The following DIP2B variants were observed in gnomAD, a reference collection of about 807,000 sequenced individuals.
DIP2B encodes disco-interacting protein 2 homolog B.
In DIP2B, 76 loss-of-function variants were observed where a neutral mutation model predicts 198.0. The ratio of observed to expected loss-of-function variants is 0.38; its 90% CI spans 0.32 to 0.46. The LOEUF (loss-of-function observed/expected upper bound fraction) is 0.46, where lower values mean the gene tolerates loss of function less well. Ranked by LOEUF, DIP2B falls within the 20% of genes least tolerant of loss-of-function variation. The probability of loss-of-function intolerance (pLI) is 0.99; values close to 1 mark genes in which losing one functional copy is unlikely to be tolerated. For synonymous variants in DIP2B, 701 were observed against 739.1 expected, an observed-to-expected ratio of 0.95 and a Z score of 0.84; for missense variants, 1,559 against 1,978.4, an observed-to-expected ratio of 0.79 and a Z score of 4.02.
At chr12:50,648,935 C>CAGA (rs1444581758) in intron 3 of DIP2B, among the ~76,000 whole-genome samples, 2 of 151,954 alleles carry the variant, frequency 1.3e-5, no homozygotes, top group African/African-American at 4.8e-5. Flanking sequence ...AAAGCGAGTA[C>CAGA]AGAAATCAAC....
chr12:50,680,659 C>A lies in DIP2B; in HGVS notation c.1115-13C>A, dbSNP rs766160659. 1.3e-5 allele frequency: 20 copies of A among 1,542,474 alleles called. No individual in the cohort carries two copies. The highest frequency in any genetic ancestry group is 1.4e-5 in the African/African-American group (1 of 70,306). The stretch of plus-strand genomic sequence containing the variant: ...TTCTATATGACTGTTGTTTTTTTTT[C>A]CTTTTTTTCCAGGAAAGTTGTGGAG... On this transcript the variant is annotated splice_polypyrimidine_tract_variant and intron_variant, in intron 8 of 37. Coordinates refer to ENST00000301180, the MANE Select transcript of DIP2B (RefSeq NM_173602.3).
intron 7 of DIP2B, among the ~76,000 whole-genome samples, chr12:50,676,994 T>C (rs1180670303): frequency 1.3e-5 from 2 of 152,166 alleles, no homozygotes; most frequent in East Asian, 3.9e-4. Flanking sequence ...AGTAGAAAAA[T>C]GAATCAAGGC....
Position 50,739,469 on chromosome 12 carries a change from CTT to C in DIP2B, c.4238_4239del (p.Leu1413ProfsTer3). 6.2e-7 allele frequency: 1 copy of C among 1,614,204 alleles called. No homozygotes were observed. The highest frequency in any genetic ancestry group is 1.1e-5 in the South Asian group (1 of 91,086). The stretch of plus-strand genomic sequence containing the variant: ...CTACACCATCTATGATAGCGAGACT[CTT>C]CAAGCTGATCATTTCAACACTCGCC... Reference protein sequence around the residue: ...GYYTIYDSETLQADHFNTRLS... With the variant: ...GYYTIYDSETXQADHFNTRLS... On this transcript the variant is annotated frameshift_variant, in exon 36 of 38. Transcript: ENST00000301180. LOFTEE classifies it high-confidence loss of function.
intron 1 of DIP2B, among the ~76,000 whole-genome samples, chr12:50,536,033 A>C (rs1958262637): frequency 6.6e-6 from 1 of 151,186 alleles, no homozygotes. Flanking sequence ...TGAACTCATC[A>C]TTTTTTATGG....
intron 1 of DIP2B, among the ~76,000 whole-genome samples, chr12:50,591,875 TTG>T (rs748380505): frequency 1.3e-4 from 19 of 150,674 alleles, no homozygotes; most frequent in Admixed American, 3.3e-4. Context: ...TTCTTTATTT[TTG>T]TGTGTTTTTT....
intron 1 of DIP2B, among the ~76,000 whole-genome samples, chr12:50,607,170 T>C (rs550288625): frequency 6.6e-6 from 1 of 151,784 alleles, no homozygotes; most frequent in South Asian, 2.1e-4. Context: ...GGAACTAACA[T>C]TTATTTATTG....
At chr12:50,552,489 A>G (rs564871030) in intron 1 of DIP2B, among the ~76,000 whole-genome samples, 2 of 151,880 alleles carry the variant, frequency 1.3e-5, no homozygotes, top group East Asian at 3.9e-4. Flanking sequence ...GATGGTCTCG[A>G]TCTCCTGACT....
At chr12:50,700,125 A>G (rs1939392356) in intron 19 of DIP2B, among the ~76,000 whole-genome samples, 2 of 152,186 alleles carry the variant, frequency 1.3e-5, no homozygotes, top group Non-Finnish European at 2.9e-5. Flanking sequence ...AATGTTCCAG[A>G]TGCTTGGGGT....
chr12:50,531,332 G>A (rs1958215471), intron 1 of DIP2B, among the ~76,000 whole-genome samples: 1 of 152,142 alleles, frequency 6.6e-6, no homozygotes, highest in Non-Finnish European at 1.5e-5. Flanking sequence ...ATAGGTGTGA[G>A]CCGCTGCACC....
chr12:50,564,963 G>A (rs1409880295), intron 1 of DIP2B, among the ~76,000 whole-genome samples: 4 of 151,974 alleles, frequency 2.6e-5, no homozygotes, highest in Admixed American at 6.6e-5. Context: ...TTTTCTGCAC[G>A]TATTGAGGCC....
chr12:50,732,426 C>T lies in DIP2B; in HGVS notation c.3871C>T (p.Arg1291Cys), dbSNP rs971744081. The T allele has an allele frequency of 6.2e-6, 10 of 1,614,236 alleles. No individual in the cohort carries two copies. The highest frequency in any genetic ancestry group is 1.3e-5 in the African/African-American group (1 of 75,068). The change falls in exon 32 of 38, where the codon CGC becomes TGC. Residue 1291 changes from arginine to cysteine, a missense_variant. Physicochemically the swap from Arg to Cys is radical, Grantham distance 180. Transcript: ENST00000301180. Reference protein sequence around the residue: ...TCVVVAEERPRVALQQSFSKL... With the variant: ...TCVVVAEERPCVALQQSFSKL... ...TGTGGTGGTGGCGGAGGAGAGGCCC[C>T]GCGTTGCACTCCAGCAGTCCTTCTC... is the stretch of plus-strand genomic sequence containing the variant.
chr12:50,649,890 C>G (rs1183927031), intron 3 of DIP2B, among the ~76,000 whole-genome samples: 1 of 151,848 alleles, frequency 6.6e-6, no homozygotes, highest in Non-Finnish European at 1.5e-5. Context: ...AATCAGAGAT[C>G]TTATGTAAAA....
At chr12:50,699,006 G>A in intron 18 of DIP2B, 60 bp from the exon 19 acceptor site, 1 of 1,589,592 alleles carries the variant, frequency 6.3e-7, no homozygotes, top group South Asian at 1.2e-5. Flanking sequence ...GGATGAAGCT[G>A]TTATTTTACA....
intron 1 of DIP2B, among the ~76,000 whole-genome samples, chr12:50,576,125 A>G (rs1177983118): frequency 1.3e-5 from 2 of 150,060 alleles, no homozygotes; most frequent in African/African-American, 4.9e-5. Flanking sequence ...GCTGGAGTGC[A>G]GTGGCGTGAT....
chr12:50,634,400 AT>A (rs1938120139), intron 2 of DIP2B, among the ~76,000 whole-genome samples: 1 of 152,210 alleles, frequency 6.6e-6, no homozygotes, highest in African/African-American at 2.4e-5. Context: ...GTAACTGATA[AT>A]TCCAGCTAGC....
intron 3 of DIP2B, among the ~76,000 whole-genome samples, chr12:50,644,028 T>C (rs1938307246): frequency 6.6e-6 from 1 of 152,222 alleles, no homozygotes; most frequent in South Asian, 2.1e-4. Flanking sequence ...ACTTTCTTAT[T>C]TGATGGAGGC....
At chr12:50,612,594 A>G (rs1959041432) in intron 1 of DIP2B, among the ~76,000 whole-genome samples, 1 of 151,778 alleles carries the variant, frequency 6.6e-6, no homozygotes, top group Non-Finnish European at 1.5e-5. Context: ...ATGCTGGGCT[A>G]ATTTTTGTAT....
intron 22 of DIP2B, among the ~76,000 whole-genome samples, chr12:50,710,124 C>T (rs1275089538): frequency 1.3e-5 from 2 of 152,180 alleles, no homozygotes; most frequent in Non-Finnish European, 2.9e-5. Context: ...TTGTTTTCTA[C>T]ATCCACTGTA....
At chr12:50,714,810 G>T (rs1300348865) in intron 23 of DIP2B, among the ~76,000 whole-genome samples, 8 of 152,166 alleles carry the variant, frequency 5.3e-5, no homozygotes, top group African/African-American at 1.9e-4. Flanking sequence ...CAGGCCCGGT[G>T]GTGCACACCT....
Sources: allele counts gnomAD v4.1 joint callset (sites outside exome capture counted in the v4.1 genomes callset), GRCh38; gene constraint gnomAD v4.1.1; transcripts MANE v1.5; gene names NCBI Gene and HGNC (gene_info 2026-07-23, HGNC 2026-07-21).